The following VWA3B variants were observed in gnomAD, a reference collection of about 807,000 sequenced individuals.
VWA3B encodes the protein von Willebrand factor A domain containing 3B.
In VWA3B, 138 loss-of-function variants were observed where a neutral mutation model predicts 158.3. The ratio of observed to expected loss-of-function variants is 0.87; its 90% confidence interval spans 0.76 to 1.00. The LOEUF (loss-of-function observed/expected upper bound fraction) is 1.00, where lower values mean the gene tolerates loss of function less well. VWA3B is among the 50% of genes least tolerant of loss of function. The pLI, the probability that VWA3B is intolerant of heterozygous loss-of-function variation, is 0.00. For synonymous variants in VWA3B, 596 were observed against 587.3 expected (o/e 1.01, Z -0.21); for missense variants, 1,555 against 1,565.1 (o/e 0.99, Z 0.11).
intron 7 of VWA3B, among the ~76,000 whole-genome samples, chr2:98,155,271 G>C (rs1194369371): frequency 6.6e-6 from 1 of 152,156 alleles, no homozygotes; most frequent in African/African-American, 2.4e-5. Flanking sequence ...TTACAAACTG[G>C]GTGGTTTCAG....
chr2:98,250,460 T>G (rs1686730158), intron 20 of VWA3B, 24 bp downstream of exon 20: 1 of 1,534,532 alleles, frequency 6.5e-7, no homozygotes, highest in Admixed American at 1.9e-5. Flanking sequence ...TTGGCTGCTC[T>G]TTAATGGATG....
intron 19 of VWA3B, among the ~76,000 whole-genome samples, chr2:98,249,495 C>A (rs1686657301): frequency 6.6e-6 from 1 of 152,186 alleles, no homozygotes; most frequent in Admixed American, 6.5e-5. Flanking sequence ...AACTGTAAGT[C>A]TTGGATAGAA....
intron 3 of VWA3B, among the ~76,000 whole-genome samples, chr2:98,117,210 T>A (rs1427375633): frequency 6.6e-6 from 1 of 152,242 alleles, no homozygotes; most frequent in African/African-American, 2.4e-5. Context: ...ATTCTTGCAC[T>A]GGTTCTTTCT....
intron 1 of VWA3B, 21 bp downstream of exon 1, chr2:98,087,384 T>A (rs1480976424): frequency 2.6e-5 from 4 of 152,194 alleles, no homozygotes; most frequent in Non-Finnish European, 4.4e-5. Flanking sequence ...GAGCGATGCC[T>A]GCCGCACGAG....
chr2:98,277,584 C>T (rs1239152783), intron 22 of VWA3B, among the ~76,000 whole-genome samples: 1 of 152,170 alleles, frequency 6.6e-6, no homozygotes, highest in Non-Finnish European at 1.5e-5. Context: ...TGGAAAGTTA[C>T]CCACACCACT....
chr2:98,133,634 T>G (rs1392930600), intron 6 of VWA3B, 190 bp from the exon 7 acceptor site: 1 of 568,934 alleles, frequency 1.8e-6, no homozygotes, highest in Admixed American at 3.0e-5. Flanking sequence ...CATTCACAAT[T>G]CTCTGTGCTA....
chr2:98,292,123 G>GC (rs887796415), intron 23 of VWA3B: 1 of 149,332 alleles, frequency 6.7e-6, no homozygotes, highest in African/African-American at 2.5e-5. Flanking sequence ...GGCACCTGTA[G>GC]TCCCAGCTAC....
chr2:98,230,232 C>T lies in VWA3B; in HGVS notation c.2308+25C>T, dbSNP rs746217890. On this transcript the variant is annotated intron_variant, in intron 16 of 27. Coordinates refer to ENST00000477737, the MANE Select transcript of VWA3B (RefSeq NM_144992.5). ...GGTATCAGTGAACAAAATGGCTTGACTCTTTGCTGGTTTCTCTTCAAGGCA... is the reference window on the plus strand; with the variant it reads ...GGTATCAGTGAACAAAATGGCTTGATTCTTTGCTGGTTTCTCTTCAAGGCA... The T allele has an allele frequency of 2.2e-5, 34 of 1,515,944 alleles. No homozygotes were observed. The South Asian group carries it at 4.2e-4, about 19-fold the overall frequency. 93.9% of individuals were successfully genotyped at this position (1,515,944 alleles called of 1,614,324 possible). A position where few individuals can be genotyped will look rare whatever the true frequency, so the allele number is the denominator to read the frequency against.
intron 10 of VWA3B, among the ~76,000 whole-genome samples, chr2:98,190,975 C>T (rs1681527697): frequency 1.3e-5 from 2 of 152,096 alleles, no homozygotes. Context: ...TTTGATTACA[C>T]ATATGTTAGA....
intron 20 of VWA3B, among the ~76,000 whole-genome samples, chr2:98,255,574 C>T (rs570318268): frequency 2.6e-4 from 39 of 152,106 alleles, no homozygotes; most frequent in Admixed American, 7.8e-4. Flanking sequence ...TCTGAAAACG[C>T]GATCAGTCTC....
intron 7 of VWA3B, among the ~76,000 whole-genome samples, chr2:98,152,732 C>T (rs759528265): frequency 3.9e-5 from 6 of 152,222 alleles, no homozygotes; most frequent in Admixed American, 6.5e-5. Flanking sequence ...GCATCTAGCT[C>T]AGGATCTAGA....
chr2:98,274,518 T>G (rs966763756), intron 22 of VWA3B, among the ~76,000 whole-genome samples: 1 of 152,004 alleles, frequency 6.6e-6, no homozygotes, highest in Non-Finnish European at 1.5e-5. Context: ...GAGAAGTGTT[T>G]GGAGTGAAAG....
At chr2:98,328,493 G>C in the VWA3B span, among the ~76,000 whole-genome samples, 81 of 152,264 alleles carry the variant, frequency 5.3e-4, 1 homozygote, top group African/African-American at 1.8e-3. Context: ...AGTGACTTTA[G>C]CAAAGTTGCA....
rs576033185 is a variant in VWA3B, at chr2:98,249,728, T to C, written c.2674-590T>C. Among the ~76,000 whole-genome samples the C allele has an allele frequency of 1.7e-4, 26 of 152,202 alleles. No homozygotes were observed. In the South Asian group the frequency reaches 5.4e-3, roughly 32 times the overall value. On this transcript the variant is annotated intron_variant, in intron 19 of 27. Coordinates refer to ENST00000477737, the MANE Select transcript of VWA3B (RefSeq NM_144992.5). Reference sequence around the variant, plus strand: ...CTCATTTATTGATCACTAAGCATTCTTTCACACGTGTAAGAATCTCTTATC... The same window carrying C: ...CTCATTTATTGATCACTAAGCATTCCTTCACACGTGTAAGAATCTCTTATC...
At chr2:98,119,207 T>G (rs368901507) in intron 3 of VWA3B, among the ~76,000 whole-genome samples, 73 of 152,378 alleles carry the variant, frequency 4.8e-4, no homozygotes, top group African/African-American at 1.7e-3. Flanking sequence ...TCCTACCTAA[T>G]TTCTTAAGAG....
chr2:98,213,507 A>G (rs1251766450), intron 13 of VWA3B, among the ~76,000 whole-genome samples: 1 of 152,240 alleles, frequency 6.6e-6, no homozygotes, highest in African/African-American at 2.4e-5. Flanking sequence ...CGCAGGAAGC[A>G]GCATCAACAG....
chr2:98,204,106 A>G (rs1682808072), intron 12 of VWA3B, among the ~76,000 whole-genome samples: 1 of 152,334 alleles, frequency 6.6e-6, no homozygotes, highest in Non-Finnish European at 1.5e-5. Context: ...TTTGGTGTCC[A>G]TGGGGTTGGG....
In VWA3B at chr2:98,232,253, A is replaced by G. The variant is rs138378471; in HGVS notation, c.2308+2046A>G. Reference sequence around the variant, plus strand: ...ATTGGTCTATTGTTTCTAATTTATCAGATTTATGAGGGCAAAGTTGTTTAT... The same window carrying G: ...ATTGGTCTATTGTTTCTAATTTATCGGATTTATGAGGGCAAAGTTGTTTAT... On this transcript the variant is annotated intron_variant, in intron 16 of 27. Transcript: ENST00000477737. Among the ~76,000 whole-genome samples, 23 of 152,326 alleles carry G rather than the reference A, an allele frequency of 1.5e-4. No homozygotes were observed. In the East Asian group the frequency reaches 4.4e-3, roughly 29 times the overall value.
chr2:98,211,911 G>C lies in VWA3B; in HGVS notation c.1738-19G>C. ...TTTTTGGGATTCAAGTGTGTCCTTGGTGTCTCTTTTTTCCGTAGATTGGAA... is the reference window on the plus strand; with the variant it reads ...TTTTTGGGATTCAAGTGTGTCCTTGCTGTCTCTTTTTTCCGTAGATTGGAA... On this transcript the variant is annotated intron_variant, in intron 12 of 27. Coordinates refer to ENST00000477737, the MANE Select transcript of VWA3B (RefSeq NM_144992.5). 1.2e-6 allele frequency: 2 copies of C among 1,608,800 alleles called. No homozygotes were observed. The highest frequency in any genetic ancestry group is 1.7e-6 in the Non-Finnish European group (2 of 1,175,786).
Sources: allele counts gnomAD v4.1 joint callset (sites outside exome capture counted in the v4.1 genomes callset), GRCh38; gene constraint gnomAD v4.1.1; transcripts MANE v1.5; gene names NCBI Gene and HGNC (gene_info 2026-07-23, HGNC 2026-07-21).